PCDHGB2: variants seen among roughly 807,000 people sequenced by gnomAD.
PCDHGB2 encodes protocadherin gamma-B2.
A neutral mutation model predicts 59.3 loss-of-function variants in PCDHGB2; 55 were observed. The ratio of observed to expected loss-of-function variants is 0.93; its 90% confidence interval spans 0.75 to 1.16. The LOEUF (loss-of-function observed/expected upper bound fraction) is 1.16, where lower values mean the gene tolerates loss of function less well. Among genes scored for constraint, PCDHGB2 ranks in the 50% most tolerant of loss-of-function variants. PCDHGB2 has a pLI of 0.00. For missense variants in PCDHGB2, 1,228 were observed against 1,198.5 expected, an observed-to-expected ratio of 1.02 and a Z score of -0.36; for synonymous variants, 516 against 512.0, an observed-to-expected ratio of 1.01 and a Z score of -0.11.
In PCDHGB2 at chr5:141,489,362, C is replaced by T. The variant is rs1562129544; in HGVS notation, c.2422-5445C>T. 8 of 1,613,052 alleles carry T rather than the reference C, an allele frequency of 5.0e-6. No individual in the cohort carries two copies. Among genetic ancestry groups the T allele is most frequent in the South Asian group, 2.2e-5 (2 of 90,970 alleles). On this transcript the variant is annotated intron_variant, in intron 1 of 3. Coordinates refer to ENST00000522605, the MANE Select transcript of PCDHGB2 (RefSeq NM_018923.3). The surrounding 1 kb of genome is among the most constrained non-coding windows in gnomAD (Gnocchi z 4.5). ...TACTCAGTGGTGGAGGAGTCTGAGC[C>T]GGGGACGCTGGTGGGGAATGTTGCT...
Position 141,362,129 on chromosome 5 carries a change from C to T in PCDHGB2, c.1994C>T (p.Ala665Val). The T allele has an allele frequency of 1.2e-6, 2 of 1,614,016 alleles. No individual in the cohort carries two copies. Among genetic ancestry groups the T allele is most frequent in the Non-Finnish European group, 1.7e-6 (2 of 1,179,902 alleles). Residue 665 changes from alanine (A) to valine (V), a missense_variant, in exon 1 of 4, where the codon GCG (alanine) becomes GTG (valine). Ala to Val is a moderately conservative substitution (Grantham distance 64). This residue lies in a region of PCDHGB2 where 433 missense variants were observed against 441.8 expected (regional missense o/e 0.98). Transcript: ENST00000522605. Reference protein sequence around the residue: ...SATATLHLIFADSLQEVLPDL... With the variant: ...SATATLHLIFVDSLQEVLPDL... ...ACGGCCACGCTGCACCTAATCTTCGCGGATAGCCTGCAAGAGGTATTGCCA... is the reference window on the plus strand; with the variant it reads ...ACGGCCACGCTGCACCTAATCTTCGTGGATAGCCTGCAAGAGGTATTGCCA...
intron 1 of PCDHGB2, among the ~76,000 whole-genome samples, chr5:141,484,170 A>G (rs962978452): frequency 6.6e-6 from 1 of 152,210 alleles, no homozygotes; most frequent in Non-Finnish European, 1.5e-5. Context: ...TTGGTAGCTG[A>G]TCTCAATCAT....
intron 1 of PCDHGB2, chr5:141,419,430 A>T: frequency 1.2e-6 from 2 of 1,613,318 alleles, no homozygotes; most frequent in Non-Finnish European, 1.7e-6. Flanking sequence ...GACCACGAGC[A>T]GCTGCGCACC....
intron 1 of PCDHGB2, chr5:141,484,966 G>C: frequency 1.7e-6 from 1 of 583,968 alleles, no homozygotes. Context: ...GAGCCCGGGA[G>C]CCGCTGTCTG....
chr5:141,495,103 C>T (rs1383918796), intron 2 of PCDHGB2, among the ~76,000 whole-genome samples: 2 of 152,132 alleles, frequency 1.3e-5, no homozygotes, highest in Non-Finnish European at 2.9e-5. Context: ...TCGCCACGAC[C>T]GGCACCTTTT....
In PCDHGB2 at chr5:141,478,732, T is replaced by C. The variant is rs772167680; in HGVS notation, c.2422-16075T>C. 7.2e-6 allele frequency: 11 copies of C among 1,537,428 alleles called. No homozygotes were observed. In the South Asian group the frequency reaches 1.2e-4, roughly 17 times the overall value. On this transcript the variant is annotated intron_variant, in intron 1 of 3. Transcript: ENST00000522605. ...GAGATGGTGGCCTGCCAGAGTGTGG[T>C]TTGTGGTCCCATTTCAGGGGGAAGA...
At chr5:141,371,690 C>G (rs778571401) in intron 1 of PCDHGB2, 1 of 1,614,078 alleles carries the variant, frequency 6.2e-7, no homozygotes, top group South Asian at 1.1e-5. Flanking sequence ...ATCCACCGCT[C>G]TCCTCCAGCA....
chr5:141,428,658 T>C (rs932328483), intron 1 of PCDHGB2: 1 of 165,620 alleles, frequency 6.0e-6, no homozygotes, highest in Non-Finnish European at 1.3e-5. Context: ...TGAGTTCCAA[T>C]GAATGTCTTT....
chr5:141,361,846 G>A lies in PCDHGB2; in HGVS notation c.1711G>A (p.Gly571Ser), dbSNP rs1762210359. Residue 571 changes from glycine to serine, a missense_variant, in exon 1 of 4, where the codon GGC (glycine) becomes AGC (serine). By Grantham distance (56) the Gly-to-Ser change is moderately conservative. Coordinates refer to ENST00000522605, the MANE Select transcript of PCDHGB2 (RefSeq NM_018923.3). The part of the protein sequence containing the change: ...RVLYPALGPD[G>S]SALFDMVPRA... ...GCTGTACCCCGCGCTGGGGCCTGAT[G>A]GCTCCGCCCTCTTCGATATGGTGCC... The A allele has an allele frequency of 1.2e-6, 2 of 1,612,604 alleles. No individual in the cohort carries two copies. The highest frequency in any genetic ancestry group is 1.3e-5 in the African/African-American group (1 of 74,914).
chr5:141,430,594 C>T, intron 1 of PCDHGB2: 3 of 563,604 alleles, frequency 5.3e-6, no homozygotes, highest in Non-Finnish European at 5.7e-6. Flanking sequence ...GCCTTGCACG[C>T]GCCTGAAGCA....
intron 1 of PCDHGB2, chr5:141,393,160 T>A: frequency 6.2e-7 from 1 of 1,613,204 alleles, no homozygotes; most frequent in Non-Finnish European, 8.5e-7. Context: ...AAAGGAAAAC[T>A]CTTTGGGGTA....
At chr5:141,409,830 G>T in intron 1 of PCDHGB2, 1 of 1,611,250 alleles carries the variant, frequency 6.2e-7, no homozygotes, top group South Asian at 1.1e-5. Flanking sequence ...CCCACGCTCA[G>T]CGCCAACGTG....
rs1312691474 is a variant in PCDHGB2, at chr5:141,362,295, G to C, written c.2160G>C (p.Arg720Ser). The C allele has an allele frequency of 6.2e-6, 10 of 1,614,062 alleles. No homozygotes were observed. The East Asian group carries it at 2.2e-4, about 36-fold the overall frequency. Residue 720 changes from arginine to serine, a missense_variant, in exon 1 of 4, where the codon AGG becomes AGC. By Grantham distance (110) the Arg-to-Ser change is moderately radical (BLOSUM62 -1). Around this residue, in one of 3 missense-constraint regions of PCDHGB2, gnomAD observed 433 missense variants for 441.8 expected, o/e 0.98. Coordinates refer to ENST00000522605, the MANE Select transcript of PCDHGB2 (RefSeq NM_018923.3). ...CCCTGCGCCTGCGACTCTCTTCCAG[G>C]TCAGATGCTTGGGACTGTTTTCAGC... ...AISLRLRLSS[R>S]SDAWDCFQPG...
chr5:141,465,454 T>G (rs1031876441), intron 1 of PCDHGB2, among the ~76,000 whole-genome samples: 1 of 152,184 alleles, frequency 6.6e-6, no homozygotes, highest in African/African-American at 2.4e-5. Context: ...AAGAAAACTC[T>G]CACCAAATTG....
At chr5:141,422,684 C>T (rs2096664410) in intron 1 of PCDHGB2, 1 of 1,604,876 alleles carries the variant, frequency 6.2e-7, no homozygotes, top group Admixed American at 1.7e-5. Flanking sequence ...AAACAGAATG[C>T]CCTGGTCACT....
At chr5:141,429,361 A>G (rs2097205912) in intron 1 of PCDHGB2, among the ~76,000 whole-genome samples, 1 of 150,698 alleles carries the variant, frequency 6.6e-6, no homozygotes, top group East Asian at 1.9e-4. Context: ...AATGCATGAG[A>G]AAATGGAGAA....
At position 141,487,505 on chromosome 5, in the gene PCDHGB2, G is replaced by GTA; in HGVS notation, c.2422-7302_2422-7301insTA. The GTA allele has an allele frequency of 1.2e-6, 2 of 1,614,200 alleles. No homozygotes were observed. The highest frequency in any genetic ancestry group is 1.7e-6 in the Non-Finnish European group (2 of 1,180,032). ...TCATGGCTGTACACCCTTGGCTTCTGCACCCACTCGGAGTGATAGCTTCAT... is the reference window on the plus strand; with the variant it reads ...TCATGGCTGTACACCCTTGGCTTCTGTACACCCACTCGGAGTGATAGCTTCAT... On this transcript the variant is annotated intron_variant, in intron 1 of 3. Coordinates refer to ENST00000522605, the MANE Select transcript of PCDHGB2 (RefSeq NM_018923.3). This position sits in a 1 kb window ranked among gnomAD's most constrained non-coding sequence, Gnocchi z 5.0.
chr5:141,413,381 G>A, intron 1 of PCDHGB2: 1 of 1,613,946 alleles, frequency 6.2e-7, no homozygotes, highest in Non-Finnish European at 8.5e-7. Flanking sequence ...CGCGGAGTCC[G>A]CATAGTCTCC....
Position 141,477,071 on chromosome 5 carries a change from G to T in PCDHGB2, c.2422-17736G>T. 6.2e-7 allele frequency: 1 copy of T among 1,614,226 alleles called. No individual in the cohort carries two copies. The highest frequency in any genetic ancestry group is 8.5e-7 in the Non-Finnish European group (1 of 1,180,030). ...GGACTTCGAGGACACCAAACTCCAT[G>T]AGATTTACATCCAGGCCAAAGACAA... is the stretch of plus-strand genomic sequence containing the variant. On this transcript the variant is annotated intron_variant, in intron 1 of 3. Coordinates refer to ENST00000522605, the MANE Select transcript of PCDHGB2 (RefSeq NM_018923.3). This position sits in a 1 kb window ranked among gnomAD's most constrained non-coding sequence, Gnocchi z 4.9.
Sources: gnomAD v4.1 joint callset for allele counts (sites outside exome capture counted in the v4.1 genomes callset) on GRCh38, gnomAD v4.1.1 for gene constraint, gnomAD v4.1.1 regional missense constraint, Gnocchi (gnomAD v3.1) non-coding constraint, MANE v1.5 for transcripts, NCBI Gene and HGNC (gene_info 2026-07-23, HGNC 2026-07-21) for gene names.